The following CELF2 variants were observed in gnomAD, a reference collection of about 807,000 sequenced individuals.
CELF2 encodes the protein CUG triplet repeat RNA-binding protein 2.
CELF2 carries 8 observed loss-of-function variants against 62.6 expected under a neutral mutation model. The ratio of observed to expected loss-of-function variants is 0.13; its 90% CI spans 0.07 to 0.23. The LOEUF is 0.23. Ranked by LOEUF, CELF2 falls within the 10% of genes least tolerant of loss-of-function variation. The pLI, the probability that CELF2 is intolerant of heterozygous loss-of-function variation, is 1.00. For synonymous variants in CELF2, 258 were observed against 250.0 expected (o/e 1.03, Z -0.30); for missense variants, 333 against 671.0 (o/e 0.50, Z 5.56).
intron 9 of CELF2, among the ~76,000 whole-genome samples, chr10:11,308,578 G>C (rs1378601843): frequency 6.6e-6 from 1 of 152,140 alleles, no homozygotes; most frequent in Non-Finnish European, 1.5e-5. Flanking sequence ...TTCAGCCCCA[G>C]AATTTCCATT....
chr10:11,331,149 C>T lies in CELF2; in HGVS notation c.*2096C>T, dbSNP rs2096005534. On this transcript the variant is annotated 3_prime_UTR_variant, in exon 13 of 13. Transcript: ENST00000633077. ...CACATGAAATTACCTATATTTTATA[C>T]TGTTTCAATGTACAGGAGAAAGGTT... The T allele has an allele frequency of 6.6e-6, 1 of 152,436 alleles. No individual in the cohort carries two copies. Among genetic ancestry groups the T allele is most frequent in the Non-Finnish European group, 1.5e-5 (1 of 68,002 alleles). The allele number at this position is 152,436 out of a possible 1,614,324, so 9.4% of individuals were successfully genotyped here.
the CELF2 span, among the ~76,000 whole-genome samples, chr10:10,565,123 C>G: frequency 4.8e-4 from 73 of 152,320 alleles, no homozygotes; most frequent in South Asian, 0.012. Context: ...GGCTTATTTT[C>G]TCACTCGGGT....
upstream of CELF2, among the ~76,000 whole-genome samples, chr10:10,797,220 A>C (rs2054192578): frequency 6.6e-6 from 1 of 152,122 alleles, no homozygotes; most frequent in South Asian, 2.1e-4. Flanking sequence ...TGAAGGGAAG[A>C]AGTTGGGACC....
At chr10:10,560,175 G>A in the CELF2 span, among the ~76,000 whole-genome samples, 1 of 152,092 alleles carries the variant, frequency 6.6e-6, no homozygotes, top group Non-Finnish European at 1.5e-5. Context: ...TAGTCAACTC[G>A]AAAAGAGAAC....
the CELF2 span, among the ~76,000 whole-genome samples, chr10:10,789,369 T>C: frequency 2.6e-5 from 4 of 152,250 alleles, no homozygotes; most frequent in African/African-American, 7.2e-5. Context: ...ATATGTCATA[T>C]GCATATATAT....
intron 1 of CELF2, among the ~76,000 whole-genome samples, chr10:11,164,857 C>T (rs1336968483): frequency 6.6e-6 from 1 of 152,306 alleles, no homozygotes; most frequent in East Asian, 1.9e-4. Context: ...GACCGCTTTC[C>T]ATTCTGAGTA....
At chr10:11,229,195 T>C (rs947588694) in intron 3 of CELF2, among the ~76,000 whole-genome samples, 2 of 152,228 alleles carry the variant, frequency 1.3e-5, no homozygotes, top group Non-Finnish European at 2.9e-5. Context: ...GCCCCCGTGA[T>C]TTCTCTGCAA....
chr10:11,153,543 G>A (rs2063731052), intron 1 of CELF2, among the ~76,000 whole-genome samples: 1 of 152,152 alleles, frequency 6.6e-6, no homozygotes, highest in Non-Finnish European at 1.5e-5. Flanking sequence ...CTTTGTGTGT[G>A]TAGGAGTAAC....
chr10:11,216,349 C>A (rs1234664975), intron 2 of CELF2, among the ~76,000 whole-genome samples: 2 of 152,306 alleles, frequency 1.3e-5, no homozygotes, highest in South Asian at 4.1e-4. Context: ...GCTCTTCTGG[C>A]CCCTGTCTGG....
chr10:11,255,828 A>G lies in CELF2; in HGVS notation c.404-1910A>G, dbSNP rs1158259048. On this transcript the variant is annotated intron_variant, in intron 4 of 12. Transcript: ENST00000633077. This position sits in a 1 kb window ranked among gnomAD's most constrained non-coding sequence, Gnocchi z 5.5. Reference sequence around the variant, plus strand: ...TCCTCAGAGGTCAGCCTATTCTCCAAAGACACATATCAAACTCATGGCAGC... The same window carrying G: ...TCCTCAGAGGTCAGCCTATTCTCCAGAGACACATATCAAACTCATGGCAGC... 6.6e-6 allele frequency among the ~76,000 whole-genome samples: 1 copy of G among 152,066 alleles called. No homozygotes were observed. Among genetic ancestry groups the G allele is most frequent in the East Asian group, 1.9e-4 (1 of 5,182 alleles).
At chr10:10,627,597 T>A in the CELF2 span, among the ~76,000 whole-genome samples, 1 of 152,172 alleles carries the variant, frequency 6.6e-6, no homozygotes, top group Admixed American at 6.5e-5. Flanking sequence ...ACCAGGCAGT[T>A]GATGATCTTA....
chr10:11,035,374 C>T (rs978483023), intron 1 of CELF2, among the ~76,000 whole-genome samples: 8 of 152,114 alleles, frequency 5.3e-5, no homozygotes, highest in African/African-American at 1.9e-4. Context: ...TGTGGAGGAC[C>T]CTGAGATGAG....
chr10:11,209,785 T>TG (rs1304077407), intron 2 of CELF2, among the ~76,000 whole-genome samples: 4 of 12,190 alleles, frequency 3.3e-4, no homozygotes, highest in East Asian at 8.1e-3. Flanking sequence ...CTTTGGACTC[T>TG]GGAAAAAAAA....
chr10:10,515,559 T>A, the CELF2 span, among the ~76,000 whole-genome samples: 1 of 152,290 alleles, frequency 6.6e-6, no homozygotes, highest in South Asian at 2.1e-4. Context: ...CTCAAAAGAA[T>A]CCTTTTTAGC....
chr10:11,302,341 C>T lies in CELF2; in HGVS notation c.977-11798C>T, dbSNP rs955772557. Among the ~76,000 whole-genome samples the T allele has an allele frequency of 5.3e-5, 8 of 152,186 alleles. No homozygotes were observed. Among genetic ancestry groups the T allele is most frequent in the Admixed American group, 2.0e-4 (3 of 15,282 alleles). The stretch of plus-strand genomic sequence containing the variant: ...CTCTAATGTTTGCATGCAAAAGCAG[C>T]GCCGAGGGCTGGTTCAACTCAGATG... On this transcript the variant is annotated intron_variant, in intron 9 of 12. Transcript: ENST00000633077. This position sits in a 1 kb window ranked among gnomAD's most constrained non-coding sequence, Gnocchi z 5.0.
the CELF2 span, among the ~76,000 whole-genome samples, chr10:10,614,255 C>T: frequency 3.4e-4 from 52 of 152,110 alleles, no homozygotes; most frequent in East Asian, 3.7e-3. Flanking sequence ...ATTTTTATTA[C>T]GCTCTTACAT....
chr10:10,945,471 C>G (rs923475102), intron 2 of CELF2, among the ~76,000 whole-genome samples: 6 of 152,320 alleles, frequency 3.9e-5, no homozygotes, highest in East Asian at 3.9e-4. Flanking sequence ...AGCTCTGCAC[C>G]GAGGCCTGTT....
rs780876553 is a variant in CELF2, at chr10:11,207,125, G to A, written c.272-10300G>A. On this transcript the variant is annotated intron_variant, in intron 2 of 12. Transcript: ENST00000633077. This position sits in a 1 kb window ranked among gnomAD's most constrained non-coding sequence, Gnocchi z 4.1. ...CCTTGTTACCTTTTCTATCTGTGTC[G>A]TGCTTTGGTGGAATTTACATAATCA... Among the ~76,000 whole-genome samples, 2 of 152,222 alleles carry A rather than the reference G, an allele frequency of 1.3e-5. No homozygotes were observed. Among genetic ancestry groups the A allele is most frequent in the Admixed American group, 6.5e-5 (1 of 15,282 alleles).
intron 2 of CELF2, among the ~76,000 whole-genome samples, chr10:10,963,992 T>C (rs2049843201): frequency 6.6e-6 from 1 of 152,188 alleles, no homozygotes; most frequent in Non-Finnish European, 1.5e-5. Context: ...AAATCTAATA[T>C]GATGTGCTCC....
Sources: allele counts gnomAD v4.1 joint callset (sites outside exome capture counted in the v4.1 genomes callset), GRCh38; gene constraint gnomAD v4.1.1; non-coding constraint Gnocchi (gnomAD v3.1); transcripts MANE v1.5; gene names NCBI Gene and HGNC (gene_info 2026-07-23, HGNC 2026-07-21).